The following TMEM120B variants were observed in gnomAD, a reference collection of about 807,000 sequenced individuals.
TMEM120B encodes the protein transmembrane protein 120B.
A neutral mutation model predicts 55.5 loss-of-function variants in TMEM120B; 31 were observed. That is an observed-to-expected ratio of 0.56 (90% CI 0.42 to 0.75). The LOEUF is 0.75. Ranked by LOEUF, TMEM120B falls within the 30% of genes least tolerant of loss-of-function variation. The pLI is 0.00. For missense variants in TMEM120B, 399 were observed against 425.5 expected (o/e 0.94, Z 0.55); for synonymous variants, 203 against 176.3 (o/e 1.15, Z -1.20).
chr12:121,716,923 A>C (rs1208513899), intron 1 of TMEM120B, among the ~76,000 whole-genome samples: 1 of 152,176 alleles, frequency 6.6e-6, no homozygotes, highest in Non-Finnish European at 1.5e-5. Context: ...AAGATTTGAA[A>C]GATCTTTGGA....
intron 5 of TMEM120B, among the ~76,000 whole-genome samples, chr12:121,755,474 A>T (rs1048743952): frequency 1.9e-4 from 29 of 152,216 alleles, no homozygotes; most frequent in African/African-American, 7.0e-4. Context: ...ACTGTCCTCT[A>T]TCAGGTTTGA....
chr12:121,715,984 C>T (rs1333744627), intron 1 of TMEM120B, among the ~76,000 whole-genome samples: 1 of 149,750 alleles, frequency 6.7e-6, no homozygotes, highest in Middle Eastern at 3.4e-3. Flanking sequence ...ATGTGCTGGG[C>T]AGTTTCGGAT....
At chr12:121,756,094 A>G (rs1873468210) in intron 5 of TMEM120B, among the ~76,000 whole-genome samples, 1 of 152,168 alleles carries the variant, frequency 6.6e-6, no homozygotes, top group Admixed American at 6.5e-5. Context: ...GTTCCCAATA[A>G]TTAGTCTCTG....
At chr12:121,722,069 G>T (rs908975519) in intron 1 of TMEM120B, among the ~76,000 whole-genome samples, 8 of 148,710 alleles carry the variant, frequency 5.4e-5, no homozygotes, top group Middle Eastern at 3.8e-3. Context: ...TCAAAGTGCT[G>T]GGATTATAGG....
chr12:121,781,315 T>C lies in TMEM120B; in HGVS notation c.*5593T>C, dbSNP rs1265005705. 5.0e-6 allele frequency: 4 copies of C among 793,480 alleles called. No homozygotes were observed. Among genetic ancestry groups the C allele is most frequent in the Non-Finnish European group, 8.1e-6 (4 of 494,728 alleles). The allele number at this position is 793,480 out of a possible 1,614,324, so 49.2% of individuals were successfully genotyped here. ...GGCCTCAATTTCCTCATCTATACAA[T>C]GGGCAGCAAGCCAGGAGTGCTGGCA... On this transcript the variant is annotated 3_prime_UTR_variant, in exon 12 of 12. Coordinates refer to ENST00000449592, the MANE Select transcript of TMEM120B (RefSeq NM_001080825.2).
chr12:121,725,323 G>T (rs528883265), intron 1 of TMEM120B, among the ~76,000 whole-genome samples: 47 of 152,268 alleles, frequency 3.1e-4, no homozygotes, highest in African/African-American at 1.1e-3. Context: ...GGTGGTCCCT[G>T]CACTGTCTGC....
At chr12:121,774,042 G>A (rs1385826598) in intron 9 of TMEM120B, among the ~76,000 whole-genome samples, 2 of 133,968 alleles carry the variant, frequency 1.5e-5, no homozygotes, top group African/African-American at 5.7e-5. Flanking sequence ...TGCAACCTCC[G>A]CCTCCCGGGT....
intron 1 of TMEM120B, among the ~76,000 whole-genome samples, chr12:121,726,019 A>AG (rs1377492646): frequency 2.1e-5 from 3 of 140,382 alleles, no homozygotes; most frequent in South Asian, 2.4e-4. Flanking sequence ...CCTGGGCAAC[A>AG]AGCGAGACTC....
chr12:121,771,336 G>A (rs901531423), intron 7 of TMEM120B, 152 bp from the exon 8 acceptor site: 12 of 710,636 alleles, frequency 1.7e-5, no homozygotes, highest in Middle Eastern at 2.6e-4. Context: ...GGATGACCTC[G>A]CCCAGCCCCA....
chr12:121,729,440 A>C (rs1205155132), intron 1 of TMEM120B, among the ~76,000 whole-genome samples: 5 of 152,210 alleles, frequency 3.3e-5, no homozygotes, highest in African/African-American at 1.2e-4. Context: ...ACAGTATGGC[A>C]GTTCCTCAAA....
intron 6 of TMEM120B, among the ~76,000 whole-genome samples, chr12:121,767,211 A>C (rs1023750309): frequency 1.3e-5 from 2 of 152,124 alleles, no homozygotes; most frequent in African/African-American, 4.8e-5. Flanking sequence ...CCCAGGCTGG[A>C]GTGCAGTGGT....
At chr12:121,765,129 CTTT>C (rs775861260) in intron 6 of TMEM120B, among the ~76,000 whole-genome samples, 6 of 133,690 alleles carry the variant, frequency 4.5e-5, no homozygotes, top group East Asian at 2.1e-4. Flanking sequence ...TCTTTTCTTT[CTTT>C]TTTTTTTTTT....
At chr12:121,757,807 C>T (rs909830991) in intron 5 of TMEM120B, among the ~76,000 whole-genome samples, 5 of 152,304 alleles carry the variant, frequency 3.3e-5, no homozygotes, top group Middle Eastern at 3.4e-3. Flanking sequence ...TGAGCCACCA[C>T]GCCCAGCCGA....
intron 1 of TMEM120B, among the ~76,000 whole-genome samples, chr12:121,736,411 G>T (rs1456344501): frequency 6.7e-6 from 1 of 150,306 alleles, no homozygotes; most frequent in African/African-American, 2.5e-5. Context: ...CTTGTGATCC[G>T]CCCGCCTTGG....
At chr12:121,720,480 TAGGC>T (rs1894772914) in intron 1 of TMEM120B, among the ~76,000 whole-genome samples, 1 of 152,068 alleles carries the variant, frequency 6.6e-6, no homozygotes, top group African/African-American at 2.4e-5. Flanking sequence ...GAGGCCAAGA[TAGGC>T]AGGTCATTTG....
chr12:121,757,534 T>TG (rs1873519445), intron 5 of TMEM120B, among the ~76,000 whole-genome samples: 1 of 150,332 alleles, frequency 6.7e-6, no homozygotes, highest in South Asian at 2.1e-4. Flanking sequence ...ATTTTTTTTT[T>TG]GAGACAGAGT....
rs967222578 is a variant in TMEM120B, at chr12:121,776,228, G to C, written c.*506G>C. The C allele has an allele frequency of 4.1e-5, 10 of 245,522 alleles. No individual in the cohort carries two copies. Among genetic ancestry groups the C allele is most frequent in the East Asian group, 1.6e-4 (2 of 12,516 alleles). The allele number at this position is 245,522 out of a possible 1,614,324, so 15.2% of individuals were successfully genotyped here. The stretch of plus-strand genomic sequence containing the variant: ...CCTCGCCCACCCCGCCACGTGGTGA[G>C]GGTTATTTTAAGTTCTCAGAGACCC... On this transcript the variant is annotated 3_prime_UTR_variant, in exon 12 of 12. Coordinates refer to ENST00000449592, the MANE Select transcript of TMEM120B (RefSeq NM_001080825.2).
chr12:121,751,444 G>A lies in TMEM120B; in HGVS notation c.366-684G>A, dbSNP rs563272280. On this transcript the variant is annotated intron_variant, in intron 4 of 11. Coordinates refer to ENST00000449592, the MANE Select transcript of TMEM120B (RefSeq NM_001080825.2). The stretch of plus-strand genomic sequence containing the variant: ...TATCCTACACCCCAACCCACACCCC[G>A]TCTCACGCTTTTCACCTGGCTCAGA... 4.5e-3 allele frequency among the ~76,000 whole-genome samples: 538 copies of A among 118,452 alleles called. 3 individuals are homozygous for A. Among genetic ancestry groups the A allele is most frequent in the Non-Finnish European group, 7.4e-3 (427 of 57,756 alleles). The allele number at this position is 118,452 out of a possible 152,430, so 77.7% of individuals were successfully genotyped here.
intron 2 of TMEM120B, among the ~76,000 whole-genome samples, chr12:121,745,186 C>T (rs748653900): frequency 6.6e-5 from 10 of 152,054 alleles, no homozygotes; most frequent in Non-Finnish European, 1.2e-4. Context: ...AGAAGGTTGA[C>T]CCGTGAGTTA....
Sources: allele counts gnomAD v4.1 joint callset (sites outside exome capture counted in the v4.1 genomes callset), GRCh38; gene constraint gnomAD v4.1.1; transcripts MANE v1.5; gene names NCBI Gene and HGNC (gene_info 2026-07-23, HGNC 2026-07-21).